ZNF385D: variants seen among roughly 807,000 people sequenced by gnomAD.
ZNF385D encodes the protein zinc finger protein 659.
In ZNF385D, 15 loss-of-function variants were observed where a neutral mutation model predicts 35.8. The observed-to-expected ratio is 0.42, with a 90% confidence interval of 0.28 to 0.64. The LOEUF is 0.64. Among genes scored for constraint, ZNF385D ranks in the 30% least tolerant of loss-of-function variants. The probability of loss-of-function intolerance (pLI) is 0.23; values close to 1 mark genes in which losing one functional copy is unlikely to be tolerated. For missense variants in ZNF385D, 474 were observed against 494.6 expected, an observed-to-expected ratio of 0.96 and a Z score of 0.39; for synonymous variants, 212 against 186.8, an observed-to-expected ratio of 1.13 and a Z score of -1.10.
chr3:21,509,284 C>T (rs1262877969), intron 4 of ZNF385D, among the ~76,000 whole-genome samples: 3 of 152,126 alleles, frequency 2.0e-5, no homozygotes, highest in Non-Finnish European at 2.9e-5. Context: ...CTTTGTTCTC[C>T]CTACCTACTG....
intron 3 of ZNF385D, among the ~76,000 whole-genome samples, chr3:21,842,940 T>A (rs550187686): frequency 6.6e-6 from 1 of 152,226 alleles, no homozygotes; most frequent in East Asian, 1.9e-4. Context: ...ATCTATTCTC[T>A]TTCAAATTGC....
At chr3:21,531,403 T>C (rs748074361) in intron 3 of ZNF385D, among the ~76,000 whole-genome samples, 5 of 152,180 alleles carry the variant, frequency 3.3e-5, no homozygotes, top group Admixed American at 6.5e-5. Flanking sequence ...TCATGCTCTC[T>C]GACATTTACT....
rs199829781 is a variant in ZNF385D at position 21,850,159 on chromosome 3, T to C, written c.326-185131A>G. Among the ~76,000 whole-genome samples, 144 of 23,522 alleles carry C rather than the reference T, an allele frequency of 6.1e-3. 1 individual carries two copies. In the East Asian group the frequency reaches 0.43, roughly 70 times the overall value. The allele number at this position is 23,522 out of a possible 152,430, so 15.4% of individuals were successfully genotyped here. A position where few individuals can be genotyped will look rare whatever the true frequency, so the allele number is the denominator to read the frequency against. On this transcript the variant is annotated intron_variant, in intron 3 of 5. Transcript: ENST00000494108. ...TCTCTTTCAAAGGCTTAATGGATAA[T>C]AGATATAAAAATGTATACTCACTTT...
chr3:22,249,734 A>G (rs748395290), intron 2 of ZNF385D, among the ~76,000 whole-genome samples: 2 of 152,222 alleles, frequency 1.3e-5, no homozygotes, highest in East Asian at 3.9e-4. Flanking sequence ...GTGCAAATGC[A>G]CATCATTTGA....
intron 3 of ZNF385D, among the ~76,000 whole-genome samples, chr3:21,550,497 T>A (rs1012523906): frequency 4.6e-5 from 7 of 152,140 alleles, no homozygotes; most frequent in Non-Finnish European, 7.3e-5. Context: ...TTATATATAT[T>A]TTTTAGACAG....
At chr3:21,926,994 G>C (rs575302597) in intron 3 of ZNF385D, among the ~76,000 whole-genome samples, 11 of 152,246 alleles carry the variant, frequency 7.2e-5, no homozygotes, top group Non-Finnish European at 1.5e-4. Flanking sequence ...GTAGGGTCTA[G>C]TGGGAGGTGT....
At chr3:22,136,762 G>A (rs2125695835) in intron 3 of ZNF385D, among the ~76,000 whole-genome samples, 1 of 152,168 alleles carries the variant, frequency 6.6e-6, no homozygotes, top group South Asian at 2.1e-4. Context: ...GTGATAAAAA[G>A]AAGAGAACTG....
At chr3:22,092,350 T>C (rs1038096102) in intron 3 of ZNF385D, among the ~76,000 whole-genome samples, 2 of 152,180 alleles carry the variant, frequency 1.3e-5, no homozygotes, top group Non-Finnish European at 2.9e-5. Flanking sequence ...AGCTTGTTTC[T>C]ACAAAGCCTG....
intron 3 of ZNF385D, among the ~76,000 whole-genome samples, chr3:21,892,331 G>C (rs1248687724): frequency 1.3e-5 from 2 of 152,124 alleles, no homozygotes; most frequent in Non-Finnish European, 2.9e-5. Flanking sequence ...CCTAGAAGGA[G>C]AAATAATAGC....
intron 2 of ZNF385D, among the ~76,000 whole-genome samples, chr3:22,285,052 A>G (rs1701955048): frequency 6.6e-6 from 1 of 152,130 alleles, no homozygotes; most frequent in African/African-American, 2.4e-5. Context: ...AGAATAATCC[A>G]CTTGAAACTG....
chr3:22,170,901 A>G (rs1000774980), intron 2 of ZNF385D, among the ~76,000 whole-genome samples: 2 of 152,120 alleles, frequency 1.3e-5, no homozygotes, highest in African/African-American at 4.8e-5. Flanking sequence ...CAGATCAGGA[A>G]AGTTTTATAA....
chr3:21,665,177 A>G (rs529105068), intron 1 of ZNF385D, 149 bp from the exon 2 acceptor site: 65 of 1,028,892 alleles, frequency 6.3e-5, no homozygotes, highest in Admixed American at 9.9e-5. Context: ...GAACCGGCCA[A>G]TGAGCAAATT....
intron 2 of ZNF385D, among the ~76,000 whole-genome samples, chr3:22,339,083 G>A (rs1214187553): frequency 6.6e-6 from 1 of 152,126 alleles, no homozygotes; most frequent in Non-Finnish European, 1.5e-5. Context: ...AAATGTGTGT[G>A]CATACACACA....
At chr3:21,597,679 A>G (rs1285781659) in intron 2 of ZNF385D, among the ~76,000 whole-genome samples, 2 of 152,228 alleles carry the variant, frequency 1.3e-5, no homozygotes, top group Non-Finnish European at 2.9e-5. Flanking sequence ...TATAGAGGCA[A>G]GAAAGCATTT....
chr3:21,649,984 G>A (rs1181775505), intron 2 of ZNF385D, among the ~76,000 whole-genome samples: 1 of 151,414 alleles, frequency 6.6e-6, no homozygotes, highest in East Asian at 1.9e-4. Flanking sequence ...ATGCAAGGAA[G>A]AAAGAAAATA....
At chr3:21,802,442 T>A (rs940887413) in intron 3 of ZNF385D, among the ~76,000 whole-genome samples, 3 of 152,126 alleles carry the variant, frequency 2.0e-5, no homozygotes, top group South Asian at 4.1e-4. Flanking sequence ...TTCAAAAGCA[T>A]AGAATAAAGC....
chr3:21,578,521 T>A (rs2063559021), intron 2 of ZNF385D, among the ~76,000 whole-genome samples: 1 of 152,186 alleles, frequency 6.6e-6, no homozygotes, highest in Non-Finnish European at 1.5e-5. Flanking sequence ...TGGGGAGAGA[T>A]AGGGGGTCTA....
chr3:22,091,941 G>A (rs1701355651), intron 3 of ZNF385D, among the ~76,000 whole-genome samples: 1 of 152,152 alleles, frequency 6.6e-6, no homozygotes, highest in African/African-American at 2.4e-5. Flanking sequence ...AATATAGCTA[G>A]TAATGGATAC....
At chr3:22,332,421 CAAATA>C (rs1694980697) in intron 2 of ZNF385D, among the ~76,000 whole-genome samples, 1 of 151,936 alleles carries the variant, frequency 6.6e-6, no homozygotes, top group African/African-American at 2.4e-5. Context: ...TATTTGTATA[CAAATA>C]AAATATTTTA....
Sources: allele counts gnomAD v4.1 joint callset (sites outside exome capture counted in the v4.1 genomes callset), GRCh38; gene constraint gnomAD v4.1.1; transcripts MANE v1.5; gene names NCBI Gene and HGNC (gene_info 2026-07-23, HGNC 2026-07-21).